PPP3CB: variants seen among roughly 807,000 people sequenced by gnomAD.
The protein encoded by PPP3CB is protein phosphatase 3 catalytic subunit beta, also known as serine/threonine-protein phosphatase 2B catalytic subunit beta isoform.
In PPP3CB, 8 loss-of-function variants were observed where a neutral mutation model predicts 66.4. That is an observed-to-expected ratio of 0.12 (90% CI 0.07 to 0.22). The LOEUF is 0.22. Among genes scored for constraint, PPP3CB ranks in the 10% least tolerant of loss-of-function variants. The pLI, the probability that PPP3CB is intolerant of heterozygous loss-of-function variation, is 1.00. For missense variants in PPP3CB, 319 were observed against 642.5 expected (o/e 0.50, Z 5.44); for synonymous variants, 208 against 221.2 (o/e 0.94, Z 0.53).
rs185152997 is a variant in PPP3CB at position 73,446,718 on chromosome 10, T to C, written c.1187-145A>G. The C allele has an allele frequency of 1.1e-3, 756 of 675,240 alleles. 2 individuals carry two copies. The highest frequency in any genetic ancestry group is 1.6e-3 in the Non-Finnish European group (609 of 389,102). 41.8% of individuals were successfully genotyped at this position (675,240 alleles called of 1,614,324 possible). A position where few individuals can be genotyped will look rare whatever the true frequency, so the allele number is the denominator to read the frequency against. On this transcript the variant is annotated intron_variant, in intron 10 of 13. Transcript: ENST00000360663. ...ACATGGAGGGGACTAGATGAACTCA[T>C]GCTAAAAAATGTCTTGCTCTCTCAA...
At chr10:73,487,564 C>CAAAAAAAAAAAAAAAAAAAAAAAAAACA (rs746889105) in intron 1 of PPP3CB, among the ~76,000 whole-genome samples, 1 of 65,218 alleles carries the variant, frequency 1.5e-5, no homozygotes, top group Non-Finnish European at 3.0e-5. Context: ...AAACCAAAAC[C>CAAAAAAAAAAAAAAAAAAAAAAAAAACA]AAAAAAAAAA....
At chr10:73,469,863 AGCT>A (rs1453900947) in intron 8 of PPP3CB, among the ~76,000 whole-genome samples, 2 of 152,154 alleles carry the variant, frequency 1.3e-5, no homozygotes, top group Admixed American at 1.3e-4. Flanking sequence ...CTGATCCTGA[AGCT>A]ATGGCATAGT....
rs528238766 is a variant in PPP3CB, at chr10:73,491,022, G to GTTTTTTTTTTTTTTT, written c.85+4768_85+4782dup. On this transcript the variant is annotated intron_variant, in intron 1 of 13. Coordinates refer to ENST00000360663, the MANE Select transcript of PPP3CB (RefSeq NM_021132.4). ...TAATTTTTGTTTGTTTGTTTTTATT[G>GTTTTTTTTTTTTTTT]TTTTTTTTTTTTTTTTTTTTTTTTT... is the stretch of plus-strand genomic sequence containing the variant. Among the ~76,000 whole-genome samples, 43 of 40,908 alleles carry GTTTTTTTTTTTTTTT rather than the reference G, an allele frequency of 1.1e-3. 2 individuals carry two copies. Among genetic ancestry groups the GTTTTTTTTTTTTTTT allele is most frequent in the Non-Finnish European group, 1.6e-3 (31 of 18,838 alleles). The allele number at this position is 40,908 out of a possible 152,430, so 26.8% of individuals were successfully genotyped here.
At chr10:73,485,952 A>ATAT (rs748978095) in intron 1 of PPP3CB, among the ~76,000 whole-genome samples, 19 of 65,878 alleles carry the variant, frequency 2.9e-4, no homozygotes, top group East Asian at 2.8e-3. Context: ...GTGTGTGTGT[A>ATAT]TTTTTTTTTT....
At chr10:73,446,700 G>A (rs1474709906) in intron 10 of PPP3CB, 127 bp from the exon 11 acceptor site, 2 of 821,820 alleles carry the variant, frequency 2.4e-6, no homozygotes, top group Non-Finnish European at 4.0e-6. Flanking sequence ...CTTACATGGA[G>A]GGGACTAGAT....
At chr10:73,458,104 T>C (rs1303770633) in intron 9 of PPP3CB, among the ~76,000 whole-genome samples, 1 of 152,236 alleles carries the variant, frequency 6.6e-6, no homozygotes, top group Non-Finnish European at 1.5e-5. Context: ...ATTACACTTA[T>C]ACTTCATAAA....
intron 9 of PPP3CB, among the ~76,000 whole-genome samples, chr10:73,462,365 C>G (rs1191055753): frequency 6.6e-6 from 1 of 151,648 alleles, no homozygotes; most frequent in Non-Finnish European, 1.5e-5. Flanking sequence ...AAAATTTGGA[C>G]TCTATCCTAA....
intron 1 of PPP3CB, 88 bp downstream of exon 1, chr10:73,495,717 G>T: frequency 1.3e-6 from 2 of 1,483,666 alleles, no homozygotes; most frequent in Admixed American, 2.1e-5. Flanking sequence ...GCCCTTCCGG[G>T]CCCACTCCCG....
chr10:73,444,550 C>T (rs2056214657), intron 12 of PPP3CB, 175 bp downstream of exon 12: 3 of 1,537,506 alleles, frequency 2.0e-6, no homozygotes, highest in Admixed American at 4.0e-5. Context: ...CAGTTTTCTG[C>T]CCTGATCAGG....
chr10:73,474,599 A>G (rs988176655), intron 4 of PPP3CB, among the ~76,000 whole-genome samples: 1 of 141,864 alleles, frequency 7.0e-6, no homozygotes, highest in African/African-American at 2.6e-5. Flanking sequence ...CACCCAGCTA[A>G]TTTTTTTTTT....
At chr10:73,465,580 G>T (rs2056606716) in intron 9 of PPP3CB, among the ~76,000 whole-genome samples, 1 of 152,068 alleles carries the variant, frequency 6.6e-6, no homozygotes, top group Admixed American at 6.5e-5. Flanking sequence ...AAAATAGTGG[G>T]GGTTTTAGCT....
intron 9 of PPP3CB, among the ~76,000 whole-genome samples, chr10:73,461,985 C>A (rs1465314264): frequency 1.3e-5 from 2 of 151,944 alleles, no homozygotes; most frequent in Non-Finnish European, 2.9e-5. Context: ...TGGCATCTTC[C>A]CCCTCGCTCT....
rs751108387 is a variant in PPP3CB at position 73,467,639 on chromosome 10, C to T, written c.1022G>A (p.Arg341Gln). The T allele has an allele frequency of 1.3e-6, 2 of 1,573,864 alleles. No homozygotes were observed. The highest frequency in any genetic ancestry group is 1.2e-5 in the South Asian group (1 of 86,276). The change falls in exon 9 of 14, where the codon CGA (arginine) becomes CAA (glutamine). Residue 341 changes from arginine to glutamine, a missense_variant. By Grantham distance (43) the Arg-to-Gln change is conservative. Coordinates refer to ENST00000360663, the MANE Select transcript of PPP3CB (RefSeq NM_021132.4). ...LKYENNVMNI[R>Q]QFNCSPHPYW... The stretch of plus-strand genomic sequence containing the variant: ...AGGATGTGGAGAACAGTTAAACTGT[C>T]GAATATTCATCACATTATTTTCATA...
intron 1 of PPP3CB, 65 bp from the exon 2 acceptor site, chr10:73,479,582 T>C (rs964923408): frequency 2.4e-5 from 35 of 1,460,506 alleles, no homozygotes; most frequent in Admixed American, 1.2e-4. Flanking sequence ...AAACTAATAA[T>C]TGGATCTAGA....
At chr10:73,456,756 A>C (rs1179422940) in intron 9 of PPP3CB, among the ~76,000 whole-genome samples, 1 of 152,248 alleles carries the variant, frequency 6.6e-6, no homozygotes, top group East Asian at 1.9e-4. Flanking sequence ...GCAAATCTTT[A>C]TGAGCTTGGA....
At chr10:73,445,523 T>C (rs2056233135) in intron 11 of PPP3CB, among the ~76,000 whole-genome samples, 2 of 151,956 alleles carry the variant, frequency 1.3e-5, no homozygotes, top group African/African-American at 2.4e-5. Flanking sequence ...CACGGCTCAC[T>C]ACTCACAACT....
chr10:73,470,532 T>C (rs2056686759), intron 8 of PPP3CB, among the ~76,000 whole-genome samples, 155 bp downstream of exon 8: 1 of 152,216 alleles, frequency 6.6e-6, no homozygotes, highest in African/African-American at 2.4e-5. Flanking sequence ...ACATTTTGGA[T>C]TTTTATTTAT....
At chr10:73,483,973 A>T (rs1162390997) in intron 1 of PPP3CB, among the ~76,000 whole-genome samples, 2 of 151,816 alleles carry the variant, frequency 1.3e-5, no homozygotes, top group Admixed American at 1.3e-4. Context: ...GTGAAACCCC[A>T]TCGCTACTAA....
intron 9 of PPP3CB, among the ~76,000 whole-genome samples, chr10:73,459,416 A>T (rs1422533962): frequency 1.3e-5 from 2 of 152,198 alleles, no homozygotes; most frequent in Non-Finnish European, 2.9e-5. Flanking sequence ...AACCCAGGAG[A>T]CGGAGCTTGC....
Sources: allele counts gnomAD v4.1 joint callset (sites outside exome capture counted in the v4.1 genomes callset), GRCh38; gene constraint gnomAD v4.1.1; transcripts MANE v1.5; gene names NCBI Gene and HGNC (gene_info 2026-07-23, HGNC 2026-07-21).